The following PLXNA4 variants were observed in gnomAD, a reference collection of about 807,000 sequenced individuals.
PLXNA4 encodes plexin A4.
PLXNA4 carries 44 observed loss-of-function variants against 191.8 expected under a neutral mutation model. The observed-to-expected ratio is 0.23, with a 90% CI of 0.18 to 0.29. PLXNA4 has a LOEUF of 0.29. Ranked by LOEUF, PLXNA4 falls within the 10% of genes least tolerant of loss-of-function variation. PLXNA4 has a pLI of 1.00. For synonymous variants in PLXNA4, 1,082 were observed against 1,009.5 expected (o/e 1.07, Z -1.36); for missense variants, 1,800 against 2,488.8 (o/e 0.72, Z 5.89).
At position 132,600,659 on chromosome 7, in the gene PLXNA4, C is replaced by T. The variant is rs543920319; in HGVS notation, c.-87+45269G>A. ...AAGTGCTGGGATTACAGGCATGAAC[C>T]ATGGCACCCTGCCTCTCATTTTTTC... On this transcript the variant is annotated intron_variant, in intron 2 of 4. Transcript: ENST00000378539. 7.9e-5 allele frequency among the ~76,000 whole-genome samples: 12 copies of T among 152,316 alleles called. No individual in the cohort carries two copies. In the South Asian group the frequency reaches 2.5e-3, roughly 32 times the overall value.
intron 1 of PLXNA4, among the ~76,000 whole-genome samples, chr7:132,526,505 A>T (rs1178459817): frequency 2.0e-5 from 3 of 152,224 alleles, no homozygotes; most frequent in African/African-American, 7.2e-5. Context: ...CTCCTAGCTC[A>T]TTCCCAGACT....
intron 3 of PLXNA4, among the ~76,000 whole-genome samples, chr7:132,474,909 C>T (rs1352371165): frequency 1.3e-5 from 2 of 152,222 alleles, no homozygotes; most frequent in Non-Finnish European, 2.9e-5. Context: ...GAATGTTCTA[C>T]AGACATGAAG....
chr7:132,226,208 G>A lies in PLXNA4; in HGVS notation c.1935C>T (p.Thr645=). ...LQLKSKETGM[T]FASTSFVFYN... The stretch of plus-strand genomic sequence containing the variant: ...AGAAGACAAAGCTGGTGCTGGCGAA[G>A]GTCATGCCGGTCTCCTTTGATTTGA... Residue 645 remains threonine, a synonymous_variant, in exon 8 of 32, where the codon ACC becomes ACT. Transcript: ENST00000321063. The A allele has an allele frequency of 6.2e-7, 1 of 1,613,952 alleles. No individual in the cohort carries two copies. Among genetic ancestry groups the A allele is most frequent in the Non-Finnish European group, 8.5e-7 (1 of 1,179,976 alleles).
intron 3 of PLXNA4, among the ~76,000 whole-genome samples, chr7:132,324,578 CTG>C (rs1802291160): frequency 6.6e-6 from 1 of 152,164 alleles, no homozygotes; most frequent in Non-Finnish European, 1.5e-5. Flanking sequence ...AAATGTAAAA[CTG>C]AGATACCCAA....
At chr7:132,456,706 G>GGGGAA (rs1796327536) in intron 3 of PLXNA4, among the ~76,000 whole-genome samples, 3 of 152,100 alleles carry the variant, frequency 2.0e-5, no homozygotes, top group Admixed American at 2.0e-4. Flanking sequence ...GTGGAGGGGA[G>GGGGAA]GGGAGGGGAG....
In PLXNA4 at chr7:132,181,128, C is replaced by A. The variant is rs550673602; in HGVS notation, c.3492+253G>T. Among the ~76,000 whole-genome samples the A allele has an allele frequency of 1.6e-4, 25 of 152,338 alleles. No homozygotes were observed. In the South Asian group the frequency reaches 5.0e-3, roughly 30 times the overall value. On this transcript the variant is annotated intron_variant, in intron 18 of 31. Coordinates refer to ENST00000321063, the MANE Select transcript of PLXNA4 (RefSeq NM_020911.2). ...TGAGCCTGACCTGCCAGTACTTGGA[C>A]TTTCAGGACAATAAAAGCTTGAGAG...
intron 9 of PLXNA4, among the ~76,000 whole-genome samples, chr7:132,222,439 G>A (rs908066146): frequency 1.3e-5 from 2 of 152,174 alleles, no homozygotes; most frequent in African/African-American, 4.8e-5. Flanking sequence ...GGCACTTGAT[G>A]GGCCTGTGTG....
intron 4 of PLXNA4, among the ~76,000 whole-genome samples, chr7:132,258,933 A>G (rs1169450840): frequency 1.3e-5 from 2 of 152,232 alleles, no homozygotes; most frequent in East Asian, 1.9e-4. Context: ...ATCATTAAAT[A>G]TAATCAGACA....
intron 3 of PLXNA4, among the ~76,000 whole-genome samples, chr7:132,341,244 G>A (rs560769098): frequency 1.3e-5 from 2 of 152,172 alleles, no homozygotes; most frequent in South Asian, 2.1e-4. Context: ...AACATGAAGG[G>A]TTTTCTCCAA....
At chr7:132,386,590 G>A (rs1324782114) in intron 3 of PLXNA4, among the ~76,000 whole-genome samples, 1 of 152,150 alleles carries the variant, frequency 6.6e-6, no homozygotes, top group East Asian at 1.9e-4. Context: ...GACACCTCTG[G>A]GGCCACATGC....
chr7:132,321,036 T>A (rs2116636368), intron 3 of PLXNA4, among the ~76,000 whole-genome samples: 1 of 152,260 alleles, frequency 6.6e-6, no homozygotes, highest in African/African-American at 2.4e-5. Flanking sequence ...CAGCTGCCCT[T>A]CCTTGACGGC....
Position 132,133,235 on chromosome 7 carries a change from G to T in PLXNA4, c.5439-36C>A, listed in dbSNP as rs200755648. ...ATGGAAATAGGGAGAAGCTGAAGTC[G>T]TGCATACGGAGTAGAGGAGAGATGG... On this transcript the variant is annotated intron_variant, in intron 30 of 31. Transcript: ENST00000321063. 1.3e-3 allele frequency: 2,165 copies of T among 1,608,588 alleles called. 52 individuals carry two copies. The South Asian group carries it at 0.022, about 17-fold the overall frequency.
chr7:132,480,768 C>T (rs1047442441), intron 3 of PLXNA4, among the ~76,000 whole-genome samples: 4 of 152,310 alleles, frequency 2.6e-5, no homozygotes, highest in Middle Eastern at 3.4e-3. Context: ...CACTCGGCCA[C>T]GGGATCCAAG....
chr7:132,191,653 G>A (rs1383753485), intron 14 of PLXNA4, among the ~76,000 whole-genome samples: 1 of 152,126 alleles, frequency 6.6e-6, no homozygotes, highest in African/African-American at 2.4e-5. Flanking sequence ...GAAGTCCAGT[G>A]CTTGCTTTGG....
rs1175563051 is a variant in PLXNA4, at chr7:132,599,177, A to T, written c.-87+46751T>A. Among the ~76,000 whole-genome samples the T allele has an allele frequency of 2.6e-5, 4 of 152,190 alleles. No individual in the cohort carries two copies. The East Asian group carries it at 7.7e-4, about 29-fold the overall frequency. The stretch of plus-strand genomic sequence containing the variant: ...AATATGTCTTAAAGTCTGGAAGGGT[A>T]GGTCCCCCTACTCACTCCTCCTATG... On this transcript the variant is annotated intron_variant, in intron 2 of 4. Transcript: ENST00000378539.
In PLXNA4 at chr7:132,484,720, C is replaced by G. The variant is rs1405924284; in HGVS notation, c.1371+4572G>C. 3.2e-6 allele frequency: 5 copies of G among 1,544,380 alleles called. No individual in the cohort carries two copies. The African/African-American group carries it at 6.9e-5, about 21-fold the overall frequency. On this transcript the variant is annotated intron_variant, in intron 3 of 31. Transcript: ENST00000321063. ...TATTTGGTGTTCCAACATTGTATCT[C>G]CATTTGATTTCCTGACACTTCCATC...
chr7:132,502,148 T>C (rs1798281978), intron 2 of PLXNA4, among the ~76,000 whole-genome samples: 1 of 152,090 alleles, frequency 6.6e-6, no homozygotes, highest in South Asian at 2.1e-4. Context: ...GATGCTCACT[T>C]TCGTGGAGTT....
chr7:132,308,858 G>A (rs1488484047), intron 3 of PLXNA4, among the ~76,000 whole-genome samples: 1 of 152,064 alleles, frequency 6.6e-6, no homozygotes, highest in Non-Finnish European at 1.5e-5. Context: ...TTTCATCCAA[G>A]CCCACTGAGA....
chr7:132,292,795 A>T (rs1298836895), intron 4 of PLXNA4, among the ~76,000 whole-genome samples: 2 of 152,190 alleles, frequency 1.3e-5, no homozygotes, highest in Admixed American at 1.3e-4. Context: ...AAACAAAAAG[A>T]CTTAATAGGA....
Sources: allele counts gnomAD v4.1 joint callset (sites outside exome capture counted in the v4.1 genomes callset), GRCh38; gene constraint gnomAD v4.1.1; transcripts MANE v1.5; gene names NCBI Gene and HGNC (gene_info 2026-07-23, HGNC 2026-07-21).